GLE1: variants seen among roughly 807,000 people sequenced by gnomAD.
The protein encoded by GLE1 is mRNA export factor GLE1.
A neutral mutation model predicts 97.3 loss-of-function variants in GLE1; 78 were observed. That is an observed-to-expected ratio of 0.80 (90% CI 0.67 to 0.97). GLE1 has a LOEUF of 0.97. GLE1 is among the 50% of genes least tolerant of loss of function. The pLI is 0.00. For missense variants in GLE1, 753 were observed against 857.5 expected (o/e 0.88, Z 1.52); for synonymous variants, 302 against 313.4 (o/e 0.96, Z 0.39).
At chr9:128,535,769 C>T (rs1589074252) in intron 11 of GLE1, among the ~76,000 whole-genome samples, 1 of 151,812 alleles carries the variant, frequency 6.6e-6, no homozygotes. Flanking sequence ...TGCCTGAGAT[C>T]GTGCTATTGC....
At chr9:128,507,074 C>G (rs1846660242) in intron 1 of GLE1, among the ~76,000 whole-genome samples, 1 of 152,106 alleles carries the variant, frequency 6.6e-6, no homozygotes, top group African/African-American at 2.4e-5. Context: ...TGGAACTTAC[C>G]TTTTCTGCAG....
At chr9:128,527,411 C>A in intron 8 of GLE1, 45 bp from the exon 9 acceptor site, 1 of 1,415,432 alleles carries the variant, frequency 7.1e-7, no homozygotes, top group Non-Finnish European at 1.0e-6. Context: ...GTGACATCTA[C>A]TCAGCTCTTC....
intron 13 of GLE1, among the ~76,000 whole-genome samples, chr9:128,538,518 C>T (rs1224679813): frequency 2.6e-5 from 4 of 152,012 alleles, no homozygotes; most frequent in South Asian, 2.1e-4. Context: ...AAATAAAGGC[C>T]GGGCACGGTG....
At position 128,539,621 on chromosome 9, in the gene GLE1, TG is replaced by T; in HGVS notation, c.1890del (p.Asn631MetfsTer4). ...GTGCCTGTCTTTCCCTCTAGGTGTG[TG>T]GGAATGCCCTCATGAAGCAATACCA... ...TLLFDFLEVC[G>X]NALMKQYQVQ... is the part of the protein sequence containing the mutation. On this transcript the variant is annotated frameshift_variant, in exon 14 of 16. Coordinates refer to ENST00000309971, the MANE Select transcript of GLE1 (RefSeq NM_001003722.2). LOFTEE classifies it high-confidence loss of function. 1 of 1,611,650 alleles carries T rather than the reference TG, an allele frequency of 6.2e-7. No individual in the cohort carries two copies. The highest frequency in any genetic ancestry group is 1.1e-5 in the South Asian group (1 of 91,030).
chr9:128,536,702 T>C (rs536237129), intron 12 of GLE1: 5 of 500,706 alleles, frequency 1.0e-5, no homozygotes, highest in Non-Finnish European at 1.8e-5. Flanking sequence ...TGTAACAGAG[T>C]CTACCAGAGG....
Position 128,522,635 on chromosome 9 carries a change from TAAA to T in GLE1, c.433-12_433-10del, listed in dbSNP as rs60154464. On this transcript the variant is annotated intron_variant, in intron 3 of 15. Transcript: ENST00000309971. ...CTGGCGACAGAGAGAGATTCCATCT[TAAA>T]AAAAAAAAAAAAAAAAAAAACCTTT... 19,441 of 1,247,272 alleles carry T rather than the reference TAAA, an allele frequency of 0.016. No homozygotes were observed. Among genetic ancestry groups the T allele is most frequent in the East Asian group, 0.025 (817 of 32,740 alleles). The allele number at this position is 1,247,272 out of a possible 1,614,324, so 77.3% of individuals were successfully genotyped here. A position where few individuals can be genotyped will look rare whatever the true frequency, so the allele number is the denominator to read the frequency against.
chr9:128,532,374 C>T (rs1269392822), intron 9 of GLE1, among the ~76,000 whole-genome samples: 1 of 151,388 alleles, frequency 6.6e-6, no homozygotes, highest in Non-Finnish European at 1.5e-5. Context: ...TACAGGCACC[C>T]GCCACCACAC....
intron 3 of GLE1, among the ~76,000 whole-genome samples, chr9:128,519,526 A>G (rs1847080428): frequency 1.3e-5 from 2 of 152,192 alleles, no homozygotes; most frequent in Admixed American, 1.3e-4. Flanking sequence ...TATTAGGAAG[A>G]AGAAATTCCT....
chr9:128,527,743 A>G (rs1847344242), intron 9 of GLE1, among the ~76,000 whole-genome samples: 1 of 152,052 alleles, frequency 6.6e-6, no homozygotes, highest in African/African-American at 2.4e-5. Context: ...AGGTGGGCGG[A>G]TCACGAGGTC....
At chr9:128,540,684 A>G (rs541260611) in intron 15 of GLE1, 27 of 370,824 alleles carry the variant, frequency 7.3e-5, no homozygotes, top group Middle Eastern at 8.3e-4. Flanking sequence ...ACTTTTCTCC[A>G]TGAGATCAAA....
intron 13 of GLE1, among the ~76,000 whole-genome samples, chr9:128,538,474 C>T (rs989018289): frequency 6.6e-5 from 10 of 151,746 alleles, no homozygotes; most frequent in African/African-American, 2.4e-4. Flanking sequence ...CCCAGCTGGT[C>T]AGTATATTGA....
At chr9:128,508,582 C>T (rs1290955926) in intron 1 of GLE1, among the ~76,000 whole-genome samples, 1 of 152,150 alleles carries the variant, frequency 6.6e-6, no homozygotes, top group African/African-American at 2.4e-5. Flanking sequence ...CAGAATTCCT[C>T]GTGTTCTGTT....
chr9:128,540,148 C>A, intron 14 of GLE1, 127 bp from the exon 15 acceptor site: 1 of 741,442 alleles, frequency 1.3e-6, no homozygotes. Context: ...CCCAAGAGTT[C>A]AAGGCCTCGG....
At chr9:128,535,404 C>T (rs916376160) in intron 11 of GLE1, among the ~76,000 whole-genome samples, 1 of 150,968 alleles carries the variant, frequency 6.6e-6, no homozygotes, top group African/African-American at 2.4e-5. Flanking sequence ...CACCTGTAAT[C>T]CCAGCCACTC....
chr9:128,536,060 A>T (rs985566022), intron 11 of GLE1, among the ~76,000 whole-genome samples: 1 of 151,954 alleles, frequency 6.6e-6, no homozygotes, highest in Non-Finnish European at 1.5e-5. Flanking sequence ...TTTGAGACAC[A>T]GTCTTACTGT....
Position 128,509,096 on chromosome 9 carries a change from A to T in GLE1, c.320A>T (p.Lys107Met). The change falls in exon 2 of 16, where the codon AAG becomes ATG. Residue 107 changes from lysine (K) to methionine (M), a missense_variant and splice_region_variant. Transcript: ENST00000309971. ...TCCCCTGCAACACCAAATGGAACCA[A>T]GGTAAGGTTGTGATCAGCTTAAGAC... ...PASPATPNGT[K>M]GKDESQHTES... 6.3e-7 allele frequency: 1 copy of T among 1,582,658 alleles called. No homozygotes were observed. Among genetic ancestry groups the T allele is most frequent in the East Asian group, 2.2e-5 (1 of 44,754 alleles).
intron 7 of GLE1, among the ~76,000 whole-genome samples, chr9:128,525,931 GAAAA>G (rs1847288392): frequency 6.6e-6 from 1 of 152,026 alleles, no homozygotes; most frequent in Admixed American, 6.6e-5. Context: ...CTCAAAAAAA[GAAAA>G]AGAATCAGTG....
intron 2 of GLE1, among the ~76,000 whole-genome samples, chr9:128,512,633 T>G (rs1846857461): frequency 6.6e-6 from 1 of 152,114 alleles, no homozygotes; most frequent in Non-Finnish European, 1.5e-5. Flanking sequence ...CTTCAGTGTC[T>G]TTATCTGTAA....
Position 128,526,882 on chromosome 9 carries a change from C to A in GLE1, c.1130-297C>A, listed in dbSNP as rs7023508. On this transcript the variant is annotated intron_variant, in intron 7 of 15. Transcript: ENST00000309971. ...ATGGGATTTCACCATGTTGTGCAAGCTGGTCTCAAGCTCCTGGGCCTGTCT... is the reference window on the plus strand; with the variant it reads ...ATGGGATTTCACCATGTTGTGCAAGATGGTCTCAAGCTCCTGGGCCTGTCT... 0.047 allele frequency among the ~76,000 whole-genome samples: 7,207 copies of A among 152,188 alleles called. 411 individuals carry two copies. Among genetic ancestry groups the A allele is most frequent in the African/African-American group, 0.14 (5,626 of 41,496 alleles).
Sources: allele counts gnomAD v4.1 joint callset (sites outside exome capture counted in the v4.1 genomes callset), GRCh38; gene constraint gnomAD v4.1.1; transcripts MANE v1.5; gene names NCBI Gene and HGNC (gene_info 2026-07-23, HGNC 2026-07-21).